TENM3: variants seen among roughly 807,000 people sequenced by gnomAD.
The protein encoded by TENM3 is teneurin-3.
A neutral mutation model predicts 255.1 loss-of-function variants in TENM3; 63 were observed. The ratio of observed to expected loss-of-function variants is 0.25; its 90% CI spans 0.20 to 0.30. The LOEUF (loss-of-function observed/expected upper bound fraction) is 0.30, where lower values mean the gene tolerates loss of function less well. TENM3 is among the 10% of genes least tolerant of loss of function. The probability of loss-of-function intolerance (pLI) is 1.00; values close to 1 mark genes in which losing one functional copy is unlikely to be tolerated. For missense variants in TENM3, 2,929 were observed against 3,461.1 expected, an observed-to-expected ratio of 0.85 and a Z score of 3.86; for synonymous variants, 1,306 against 1,322.3, an observed-to-expected ratio of 0.99 and a Z score of 0.27.
chr4:182,492,681 A>G (rs1302459821), intron 3 of TENM3, among the ~76,000 whole-genome samples: 4 of 152,154 alleles, frequency 2.6e-5, no homozygotes, highest in Non-Finnish European at 4.4e-5. Flanking sequence ...TCTGTGCCAA[A>G]TCTTCAGAGA....
chr4:182,652,852 T>C (rs895830670), intron 5 of TENM3, among the ~76,000 whole-genome samples: 2 of 152,206 alleles, frequency 1.3e-5, no homozygotes, highest in Non-Finnish European at 1.5e-5. Context: ...TAAAAATATT[T>C]AACCTTCCTT....
At chr4:182,664,205 C>A (rs1313927170) in intron 6 of TENM3, among the ~76,000 whole-genome samples, 2 of 152,206 alleles carry the variant, frequency 1.3e-5, no homozygotes, top group East Asian at 3.9e-4. Context: ...ACAGCATGTG[C>A]TCACATCATG....
chr4:182,373,257 G>A (rs1401847959), intron 3 of TENM3, among the ~76,000 whole-genome samples: 4 of 152,158 alleles, frequency 2.6e-5, no homozygotes, highest in African/African-American at 9.7e-5. Flanking sequence ...AAAGCAAGCT[G>A]GCTGCAGCGT....
chr4:181,847,191 C>T, the TENM3 span, among the ~76,000 whole-genome samples: 4 of 152,120 alleles, frequency 2.6e-5, no homozygotes, highest in African/African-American at 7.2e-5. Flanking sequence ...ATATGGAAAA[C>T]GTTATAACAG....
the TENM3 span, among the ~76,000 whole-genome samples, chr4:181,620,747 G>GA: frequency 6.6e-6 from 1 of 151,698 alleles, no homozygotes; most frequent in African/African-American, 2.4e-5. Context: ...TTGTTAAGTA[G>GA]AAAAAAATGA....
the TENM3 span, among the ~76,000 whole-genome samples, chr4:181,519,210 C>T: frequency 3.3e-5 from 5 of 152,042 alleles, no homozygotes; most frequent in Admixed American, 6.5e-5. Flanking sequence ...GTGACAACAA[C>T]AATGAAAGCT....
At chr4:181,525,534 G>T in the TENM3 span, among the ~76,000 whole-genome samples, 2 of 152,096 alleles carry the variant, frequency 1.3e-5, no homozygotes, top group Non-Finnish European at 1.5e-5. Flanking sequence ...GGTTCACTCG[G>T]TAGACCTCAA....
chr4:181,451,612 C>T, the TENM3 span, among the ~76,000 whole-genome samples: 2 of 152,040 alleles, frequency 1.3e-5, no homozygotes, highest in Non-Finnish European at 2.9e-5. Flanking sequence ...GAGACAAATG[C>T]ATGAGTTCCA....
chr4:181,826,947 A>G, the TENM3 span, among the ~76,000 whole-genome samples: 5 of 152,208 alleles, frequency 3.3e-5, no homozygotes, highest in South Asian at 1.0e-3. Context: ...TTTCCCAGGA[A>G]AGAAGTGTGG....
intron 3 of TENM3, among the ~76,000 whole-genome samples, chr4:182,375,592 A>G (rs192033652): frequency 1.5e-3 from 226 of 152,044 alleles, no homozygotes; most frequent in African/African-American, 5.3e-3. Context: ...CTCAGGCTGG[A>G]GTGCAGTGGC....
At chr4:181,465,054 C>A in the TENM3 span, among the ~76,000 whole-genome samples, 7 of 152,222 alleles carry the variant, frequency 4.6e-5, no homozygotes, top group Non-Finnish European at 5.9e-5. Context: ...AGCATATTAT[C>A]TCTTATGTTT....
chr4:182,053,629 C>A, the TENM3 span, among the ~76,000 whole-genome samples: 5 of 152,274 alleles, frequency 3.3e-5, no homozygotes, highest in African/African-American at 1.2e-4. Context: ...TCCTTTGCAG[C>A]CCCTCAAGTG....
the TENM3 span, among the ~76,000 whole-genome samples, chr4:181,616,314 TAC>T: frequency 0.24 from 25,225 of 103,326 alleles, 3,067 homozygotes; most frequent in Admixed American, 0.37. Context: ...ACCCATAGAA[TAC>T]ACACACACAC....
chr4:181,484,909 A>G, the TENM3 span, among the ~76,000 whole-genome samples: 15 of 152,212 alleles, frequency 9.9e-5, no homozygotes, highest in Non-Finnish European at 1.6e-4. Context: ...AGTTATGAAA[A>G]TTAAAAGTCA....
the TENM3 span, among the ~76,000 whole-genome samples, chr4:181,927,423 G>A: frequency 5.3e-5 from 8 of 152,338 alleles, no homozygotes; most frequent in East Asian, 3.9e-4. Context: ...CAAACTGGGC[G>A]GAGCCCACCG....
At chr4:182,450,031 G>A (rs1773318037) in intron 3 of TENM3, among the ~76,000 whole-genome samples, 1 of 152,184 alleles carries the variant, frequency 6.6e-6, no homozygotes, top group African/African-American at 2.4e-5. Flanking sequence ...ATATGTGCCT[G>A]TGTCACAAAG....
At chr4:182,629,403 C>T (rs1451771707) in intron 5 of TENM3, among the ~76,000 whole-genome samples, 2 of 152,258 alleles carry the variant, frequency 1.3e-5, no homozygotes, top group African/African-American at 4.8e-5. Context: ...ATTATATACT[C>T]ATTCATATAT....
chr4:181,922,399 C>T, the TENM3 span, among the ~76,000 whole-genome samples: 1 of 152,292 alleles, frequency 6.6e-6, no homozygotes, highest in South Asian at 2.1e-4. Flanking sequence ...TTGATTATTG[C>T]CACAATTTCA....
At chr4:182,462,499 G>A (rs916259762) in intron 3 of TENM3, among the ~76,000 whole-genome samples, 1 of 151,492 alleles carries the variant, frequency 6.6e-6, no homozygotes, top group Admixed American at 6.6e-5. Flanking sequence ...CTGAACAGCC[G>A]CACTCAGAAC....
Sources: allele counts gnomAD v4.1 joint callset (sites outside exome capture counted in the v4.1 genomes callset), GRCh38; gene constraint gnomAD v4.1.1; transcripts MANE v1.5; gene names NCBI Gene and HGNC (gene_info 2026-07-23, HGNC 2026-07-21).